Variants in SPATA6L observed in about 807,000 individuals in gnomAD.
The protein encoded by SPATA6L is spermatogenesis associated 6-like protein.
SPATA6L carries 68 observed loss-of-function variants against 49.2 expected under a neutral mutation model. That is an observed-to-expected ratio of 1.38 (90% CI 1.14 to 1.69). SPATA6L has a LOEUF of 1.69. Among genes scored for constraint, SPATA6L ranks in the 40% most tolerant of loss-of-function variants. The pLI is 0.00. For missense variants in SPATA6L, 668 were observed against 464.3 expected, an observed-to-expected ratio of 1.44 and a Z score of -4.03; for synonymous variants, 198 against 165.7, an observed-to-expected ratio of 1.19 and a Z score of -1.50.
At chr9:4,618,393 T>G (rs577453105) in intron 8 of SPATA6L, among the ~76,000 whole-genome samples, 1 of 152,282 alleles carries the variant, frequency 6.6e-6, no homozygotes, top group African/African-American at 2.4e-5. Flanking sequence ...GACTAGGGAT[T>G]ATTGGTCTGG....
At chr9:4,634,651 G>C (rs1344612148) in intron 4 of SPATA6L, among the ~76,000 whole-genome samples, 2 of 152,148 alleles carry the variant, frequency 1.3e-5, no homozygotes, top group African/African-American at 4.8e-5. Context: ...TTTAAATGGA[G>C]ATCATTCAAG....
rs556187300 is a variant in SPATA6L at position 4,648,492 on chromosome 9, G to T, written c.226+7549C>A. Among the ~76,000 whole-genome samples, 6 of 150,634 alleles carry T rather than the reference G, an allele frequency of 4.0e-5. No homozygotes were observed. In the East Asian group the frequency reaches 1.0e-3, roughly 26 times the overall value. On this transcript the variant is annotated intron_variant, in intron 3 of 11. Transcript: ENST00000682582. ...AGGCGGGCGGATCACAAGGTCAGGA[G>T]ATCGAGACCATCCTGGTCTAACTCG...
intron 4 of SPATA6L, among the ~76,000 whole-genome samples, chr9:4,632,494 G>A (rs1484080395): frequency 6.6e-6 from 1 of 151,714 alleles, no homozygotes; most frequent in Admixed American, 6.6e-5. Flanking sequence ...TACTCAGGAA[G>A]CTGAGGCAGG....
chr9:4,606,775 T>C lies in SPATA6L; in HGVS notation c.996-1335A>G, dbSNP rs376777279. 5.0e-3 allele frequency among the ~76,000 whole-genome samples: 731 copies of C among 145,126 alleles called. 16 individuals are homozygous for C. Among genetic ancestry groups the C allele is most frequent in the South Asian group, 0.015 (69 of 4,504 alleles). On this transcript the variant is annotated intron_variant, in intron 9 of 11. Transcript: ENST00000682582. ...AAGGAATGCAGTTCCTCACCAGCAA[T>C]GGAACAAAGCTGGACGGAGAACGAC...
chr9:4,658,787 T>A (rs573108625), intron 2 of SPATA6L, among the ~76,000 whole-genome samples: 1 of 151,730 alleles, frequency 6.6e-6, no homozygotes, highest in East Asian at 1.9e-4. Flanking sequence ...AGGCCAGGAG[T>A]TTGAGACCAG....
intron 6 of SPATA6L, among the ~76,000 whole-genome samples, chr9:4,624,202 A>G (rs959104729): frequency 2.0e-5 from 3 of 152,244 alleles, no homozygotes; most frequent in African/African-American, 7.2e-5. Flanking sequence ...CACGTAGACT[A>G]CAAAATAATA....
intron 9 of SPATA6L, among the ~76,000 whole-genome samples, chr9:4,606,069 G>A (rs191676589): frequency 2.0e-5 from 3 of 152,208 alleles, no homozygotes; most frequent in East Asian, 3.9e-4. Context: ...CTGGAAAATC[G>A]GGTCACTCCC....
chr9:4,622,508 C>T lies in SPATA6L; in HGVS notation c.672G>A (p.Val224=). ...GSKPPFVVRH[V]DSAKPFGENI... Reference sequence around the variant, plus strand: ...TCTCACCAAAGGGCTTTGCACTGTCCACCTGAAAGTAAAGGAAAGAAATAA... The same window carrying T: ...TCTCACCAAAGGGCTTTGCACTGTCTACCTGAAAGTAAAGGAAAGAAATAA... The change falls in exon 7 of 12, where the codon GTG becomes GTA. Residue 224 remains valine (V), a splice_region_variant and synonymous_variant. Transcript: ENST00000682582. The T allele has an allele frequency of 6.2e-7, 1 of 1,603,748 alleles. No individual in the cohort carries two copies. Among genetic ancestry groups the T allele is most frequent in the Non-Finnish European group, 8.5e-7 (1 of 1,172,390 alleles).
intron 1 of SPATA6L, among the ~76,000 whole-genome samples, chr9:4,665,755 C>T (rs1166552301): frequency 6.6e-6 from 1 of 152,104 alleles, no homozygotes. Context: ...AATTAGCAAG[C>T]CAGAGCTATC....
chr9:4,666,246 G>T lies in SPATA6L; in HGVS notation c.5C>A (p.Pro2His). 2 of 1,614,140 alleles carry T rather than the reference G, an allele frequency of 1.2e-6. No homozygotes were observed. The highest frequency in any genetic ancestry group is 1.7e-6 in the Non-Finnish European group (2 of 1,180,028). The stretch of plus-strand genomic sequence containing the variant: ...CTGCAGCTCCACCACCACCTCCAGA[G>T]GCATCGTTCCCTGCGTGGGCGAAAG... Reference protein sequence around the residue: MPLEVVVELQIR... With the variant: MHLEVVVELQIR... The change falls in exon 1 of 12, where the codon CCT becomes CAT. Residue 2 changes from proline to histidine, a missense_variant. Physicochemically the swap from Pro to His is moderately conservative, Grantham distance 77 (BLOSUM62 -2). Coordinates refer to ENST00000682582, the MANE Select transcript of SPATA6L (RefSeq NM_001353486.2).
In SPATA6L at chr9:4,662,910, C is replaced by G. The variant is rs751675011; in HGVS notation, c.40-874G>C. Reference sequence around the variant, plus strand: ...CTTCGCCCTGCTGTTGGACCTGCTGCTGGTGGCCTTGATCAAAGGGCTGGT... The same window carrying G: ...CTTCGCCCTGCTGTTGGACCTGCTGGTGGTGGCCTTGATCAAAGGGCTGGT... On this transcript the variant is annotated intron_variant, in intron 1 of 11. Transcript: ENST00000682582. The surrounding 1 kb of genome is among the most constrained non-coding windows in gnomAD (Gnocchi z 4.9). 20 of 1,609,474 alleles carry G rather than the reference C, an allele frequency of 1.2e-5. No homozygotes were observed. Among genetic ancestry groups the G allele is most frequent in the African/African-American group, 4.0e-5 (3 of 74,886 alleles).
chr9:4,647,613 A>AAT (rs1189301110), intron 3 of SPATA6L, among the ~76,000 whole-genome samples: 25 of 151,906 alleles, frequency 1.6e-4, no homozygotes, highest in Non-Finnish European at 7.4e-5. Flanking sequence ...ACAAACAAAA[A>AAT]ATATATATAT....
At chr9:4,645,739 T>C (rs1486885118) in intron 3 of SPATA6L, among the ~76,000 whole-genome samples, 1 of 152,150 alleles carries the variant, frequency 6.6e-6, no homozygotes, top group Non-Finnish European at 1.5e-5. Flanking sequence ...AGAAACTAGA[T>C]ATAAAAGGCC....
chr9:4,630,678 C>A (rs1413834637), intron 4 of SPATA6L, among the ~76,000 whole-genome samples: 5 of 152,234 alleles, frequency 3.3e-5, no homozygotes, highest in East Asian at 1.9e-4. Context: ...ACTCAAGATG[C>A]TTCCAAAACA....
intron 3 of SPATA6L, among the ~76,000 whole-genome samples, chr9:4,637,862 G>A (rs935859934): frequency 6.6e-6 from 1 of 152,128 alleles, no homozygotes; most frequent in Non-Finnish European, 1.5e-5. Flanking sequence ...TACCCTCTTG[G>A]AGACTCAGTT....
intron 6 of SPATA6L, 94 bp from the exon 7 acceptor site, chr9:4,622,604 G>C: frequency 1.2e-6 from 1 of 822,196 alleles, no homozygotes; most frequent in Non-Finnish European, 1.9e-6. Flanking sequence ...CTCAATCACT[G>C]ATTACACGGG....
chr9:4,666,251 C>A lies in SPATA6L; in HGVS notation c.-1G>T. On this transcript the variant is annotated 5_prime_UTR_variant, in exon 1 of 12. Transcript: ENST00000682582. ...GCTCCACCACCACCTCCAGAGGCATCGTTCCCTGCGTGGGCGAAAGGACTG... is the reference window on the plus strand; with the variant it reads ...GCTCCACCACCACCTCCAGAGGCATAGTTCCCTGCGTGGGCGAAAGGACTG... 1 of 1,614,154 alleles carries A rather than the reference C, an allele frequency of 6.2e-7. No individual in the cohort carries two copies. Among genetic ancestry groups the A allele is most frequent in the South Asian group, 1.1e-5 (1 of 91,068 alleles).
At chr9:4,602,137 A>T (rs984093633) in intron 11 of SPATA6L, among the ~76,000 whole-genome samples, 1 of 143,174 alleles carries the variant, frequency 7.0e-6, no homozygotes, top group African/African-American at 2.8e-5. Flanking sequence ...GAAAGAATTG[A>T]CGTTTTTTTT....
At chr9:4,601,363 G>A (rs1001253715) in intron 11 of SPATA6L, among the ~76,000 whole-genome samples, 8 of 59,706 alleles carry the variant, frequency 1.3e-4, no homozygotes, top group East Asian at 8.0e-4. Context: ...GTTTCTTTAC[G>A]GGAGGTTTTT....
Sources: gnomAD v4.1 joint callset for allele counts (sites outside exome capture counted in the v4.1 genomes callset) on GRCh38, gnomAD v4.1.1 for gene constraint, Gnocchi (gnomAD v3.1) non-coding constraint, MANE v1.5 for transcripts, NCBI Gene and HGNC (gene_info 2026-07-23, HGNC 2026-07-21) for gene names.